The following GPR158 variants were observed in gnomAD, a reference collection of about 807,000 sequenced individuals.
GPR158 encodes the protein metabotropic glycine receptor.
GPR158 carries 30 observed loss-of-function variants against 78.2 expected under a neutral mutation model. That is an observed-to-expected ratio of 0.38 (90% CI 0.29 to 0.52). The LOEUF (loss-of-function observed/expected upper bound fraction) is 0.52. Among genes scored for constraint, GPR158 ranks in the 20% least tolerant of loss-of-function variants. The pLI is 0.83. For missense variants in GPR158, 1,463 were observed against 1,523.5 expected (o/e 0.96, Z 0.66); for synonymous variants, 581 against 591.1 (o/e 0.98, Z 0.25).
intron 2 of GPR158, among the ~76,000 whole-genome samples, chr10:25,342,598 A>G (rs1457554762): frequency 6.6e-6 from 1 of 151,924 alleles, no homozygotes; most frequent in East Asian, 1.9e-4. Flanking sequence ...ATCACTTAAA[A>G]TATTGGTGTA....
chr10:25,528,622 TAA>T (rs1000061579), intron 5 of GPR158, among the ~76,000 whole-genome samples: 3 of 152,168 alleles, frequency 2.0e-5, no homozygotes, highest in Non-Finnish European at 2.9e-5. Context: ...AATATAGTGT[TAA>T]GAGAATATAA....
chr10:25,190,583 A>T (rs1251366807), intron 1 of GPR158, among the ~76,000 whole-genome samples: 2 of 152,156 alleles, frequency 1.3e-5, no homozygotes, highest in Admixed American at 6.6e-5. Context: ...CACCCGCATC[A>T]GCCTCCCAAA....
chr10:25,547,101 A>G (rs1215736775), intron 5 of GPR158, among the ~76,000 whole-genome samples: 4 of 152,302 alleles, frequency 2.6e-5, no homozygotes, highest in Non-Finnish European at 5.9e-5. Flanking sequence ...AACTGCAATG[A>G]CAGACAGTGG....
chr10:25,491,952 G>T (rs1835816028), intron 5 of GPR158, among the ~76,000 whole-genome samples: 1 of 152,112 alleles, frequency 6.6e-6, no homozygotes, highest in Admixed American at 6.6e-5. Context: ...TGCCATAAAG[G>T]AATACCTGAG....
At chr10:25,563,579 T>C (rs1405127370) in intron 6 of GPR158, among the ~76,000 whole-genome samples, 2 of 152,160 alleles carry the variant, frequency 1.3e-5, no homozygotes, top group African/African-American at 4.8e-5. Flanking sequence ...TCTTGTTTAT[T>C]TTACTACACG....
intron 2 of GPR158, among the ~76,000 whole-genome samples, chr10:25,272,581 T>G (rs1854131622): frequency 6.6e-6 from 1 of 152,228 alleles, no homozygotes; most frequent in African/African-American, 2.4e-5. Context: ...GCTTTCTATT[T>G]TGAGCAGGAA....
chr10:25,556,754 T>A (rs1836791450), intron 6 of GPR158, among the ~76,000 whole-genome samples: 1 of 152,138 alleles, frequency 6.6e-6, no homozygotes, highest in Admixed American at 6.6e-5. Flanking sequence ...TATCCAAGCC[T>A]TACCTCATAC....
chr10:25,468,348 A>C (rs1163453642), intron 5 of GPR158, among the ~76,000 whole-genome samples: 1 of 152,160 alleles, frequency 6.6e-6, no homozygotes, highest in Non-Finnish European at 1.5e-5. Context: ...CAGGTATTTA[A>C]ATCCTGGTTT....
intron 1 of GPR158, among the ~76,000 whole-genome samples, chr10:25,185,214 G>C (rs549142632): frequency 6.6e-6 from 1 of 152,110 alleles, no homozygotes; most frequent in Non-Finnish European, 1.5e-5. Context: ...CAAGGGTTCT[G>C]TATGTATGTG....
chr10:25,302,341 C>T (rs1257319476), intron 2 of GPR158, among the ~76,000 whole-genome samples: 12 of 151,794 alleles, frequency 7.9e-5, no homozygotes, highest in South Asian at 4.2e-4. Flanking sequence ...GCCTTGGCTT[C>T]CCAAAGCGCT....
chr10:25,297,507 A>T (rs1854533012), intron 2 of GPR158, among the ~76,000 whole-genome samples: 1 of 143,244 alleles, frequency 7.0e-6, no homozygotes, highest in African/African-American at 3.0e-5. Flanking sequence ...AACCAGAAGC[A>T]TAAACGTTTT....
At chr10:25,435,863 T>A (rs60641704) in intron 4 of GPR158, among the ~76,000 whole-genome samples, 8,703 of 152,226 alleles carry the variant, frequency 0.057, 512 homozygotes, top group African/African-American at 0.16. Flanking sequence ...GTAGTGCAGA[T>A]GGAGAAGAGT....
chr10:25,585,243 C>T (rs1359398764), intron 7 of GPR158, among the ~76,000 whole-genome samples: 1 of 152,210 alleles, frequency 6.6e-6, no homozygotes, highest in Non-Finnish European at 1.5e-5. Context: ...ACAGAGTCTC[C>T]ATCTCTAATG....
At chr10:25,430,293 C>A (rs1223905060) in intron 4 of GPR158, among the ~76,000 whole-genome samples, 14 of 150,988 alleles carry the variant, frequency 9.3e-5, no homozygotes, top group African/African-American at 3.1e-4. Flanking sequence ...ACTTAGGAAT[C>A]CAACTTACAA....
chr10:25,534,613 G>A (rs560457570), intron 5 of GPR158, among the ~76,000 whole-genome samples: 1 of 151,860 alleles, frequency 6.6e-6, no homozygotes, highest in African/African-American at 2.4e-5. Flanking sequence ...AATTAGCTGG[G>A]TGTGGTGGCA....
intron 10 of GPR158, among the ~76,000 whole-genome samples, chr10:25,597,467 C>T (rs1161981297): frequency 6.6e-6 from 1 of 152,064 alleles, no homozygotes; most frequent in East Asian, 1.9e-4. Context: ...TTATGTGAAA[C>T]AAAACACAAA....
intron 2 of GPR158, among the ~76,000 whole-genome samples, chr10:25,372,627 A>C (rs1286936933): frequency 6.9e-6 from 1 of 144,988 alleles, no homozygotes. Flanking sequence ...CAAACACCGC[A>C]TATTCTCAGT....
At chr10:25,432,240 G>A (rs989756282) in intron 4 of GPR158, among the ~76,000 whole-genome samples, 2 of 151,930 alleles carry the variant, frequency 1.3e-5, no homozygotes, top group African/African-American at 2.4e-5. Flanking sequence ...CTATTTCCAC[G>A]AGTATTAATA....
intron 2 of GPR158, among the ~76,000 whole-genome samples, chr10:25,233,133 G>A (rs1488682150): frequency 1.3e-5 from 2 of 152,168 alleles, no homozygotes; most frequent in Non-Finnish European, 2.9e-5. Context: ...TTATAAGTCT[G>A]GAGGAGGATT....
Sources: allele counts gnomAD v4.1 joint callset (sites outside exome capture counted in the v4.1 genomes callset), GRCh38; gene constraint gnomAD v4.1.1; transcripts MANE v1.5; gene names NCBI Gene and HGNC (gene_info 2026-07-23, HGNC 2026-07-21).